The following TAF4B variants were observed in gnomAD, a reference collection of about 807,000 sequenced individuals.
The protein encoded by TAF4B is TATA-box binding protein associated factor 4b, also known as transcription initiation factor TFIID subunit 4B.
In TAF4B, 38 loss-of-function variants were observed where a neutral mutation model predicts 86.4. The ratio of observed to expected loss-of-function variants is 0.44; its 90% CI spans 0.34 to 0.58. The LOEUF is 0.58. TAF4B is among the 20% of genes least tolerant of loss of function. TAF4B has a pLI of 0.02. For synonymous variants in TAF4B, 388 were observed against 391.2 expected, an observed-to-expected ratio of 0.99 and a Z score of 0.10; for missense variants, 988 against 1,027.6, an observed-to-expected ratio of 0.96 and a Z score of 0.53.
intron 11 of TAF4B, among the ~76,000 whole-genome samples, chr18:26,324,672 G>C (rs2144681830): frequency 6.6e-6 from 1 of 152,138 alleles, no homozygotes; most frequent in South Asian, 2.1e-4. Flanking sequence ...TCCTTAACCT[G>C]CTGTCTTGTA....
At chr18:26,383,609 G>A (rs1978304082) in intron 14 of TAF4B, among the ~76,000 whole-genome samples, 1 of 152,166 alleles carries the variant, frequency 6.6e-6, no homozygotes, top group East Asian at 1.9e-4. Context: ...AGATAAAGAT[G>A]GGGGTGATCA....
intron 9 of TAF4B, chr18:26,304,821 T>C (rs758204062): frequency 1.7e-5 from 17 of 985,264 alleles, no homozygotes; most frequent in Non-Finnish European, 4.8e-6. Context: ...GTGTAATTGC[T>C]CCTCAGTAAA....
At chr18:26,237,070 A>G (rs2055760296) in intron 1 of TAF4B, among the ~76,000 whole-genome samples, 1 of 152,188 alleles carries the variant, frequency 6.6e-6, no homozygotes. Flanking sequence ...TCTAGAACAC[A>G]GGTCAACAGA....
At chr18:26,282,568 A>G (rs1240337258) in intron 6 of TAF4B, among the ~76,000 whole-genome samples, 2 of 152,226 alleles carry the variant, frequency 1.3e-5, no homozygotes, top group East Asian at 3.8e-4. Flanking sequence ...TTGATGGTAA[A>G]GAGTCTTACC....
At chr18:26,299,994 C>T (rs1039789802) in intron 9 of TAF4B, among the ~76,000 whole-genome samples, 37 of 151,572 alleles carry the variant, frequency 2.4e-4, no homozygotes, top group African/African-American at 8.0e-4. Context: ...AGGCTTTTAT[C>T]AGTTTTGTTA....
chr18:26,293,071 A>G (rs1331877449), intron 8 of TAF4B, among the ~76,000 whole-genome samples: 1 of 152,228 alleles, frequency 6.6e-6, no homozygotes, highest in East Asian at 1.9e-4. Flanking sequence ...TACCCAAGTC[A>G]GGTAGACTGG....
chr18:26,344,334 A>T (rs2057158956), intron 13 of TAF4B, among the ~76,000 whole-genome samples: 2 of 151,858 alleles, frequency 1.3e-5, no homozygotes, highest in Non-Finnish European at 2.9e-5. Flanking sequence ...TAGATTTCTC[A>T]TTAGAAAGCA....
chr18:26,344,599 G>A lies in TAF4B; in HGVS notation c.2316+9368G>A, dbSNP rs8088448. Reference sequence around the variant, plus strand: ...AGTCAGATGACACCAAAGGGAAGCTGAACTTCAGGAATGAAGAAAGCACAA... The same window carrying A: ...AGTCAGATGACACCAAAGGGAAGCTAAACTTCAGGAATGAAGAAAGCACAA... On this transcript the variant is annotated intron_variant, in intron 13 of 14. Coordinates refer to ENST00000269142, the MANE Select transcript of TAF4B (RefSeq NM_005640.3). Among the ~76,000 whole-genome samples the A allele has an allele frequency of 9.6e-3, 1,460 of 152,312 alleles. 11 individuals are homozygous for A. Among genetic ancestry groups the A allele is most frequent in the African/African-American group, 0.033 (1,355 of 41,560 alleles).
At chr18:26,275,312 C>T (rs1435057290) in intron 5 of TAF4B, among the ~76,000 whole-genome samples, 5 of 152,034 alleles carry the variant, frequency 3.3e-5, no homozygotes, top group African/African-American at 9.7e-5. Flanking sequence ...TGCATCACCA[C>T]GCTCGGCTAA....
At chr18:26,357,342 G>A (rs3865407) in intron 13 of TAF4B, among the ~76,000 whole-genome samples, 16,871 of 152,118 alleles carry the variant, frequency 0.11, 964 homozygotes, top group African/African-American at 0.14. Flanking sequence ...AATCTGAAAT[G>A]GTTTACTATA....
intron 1 of TAF4B, among the ~76,000 whole-genome samples, chr18:26,236,363 C>CG (rs1408168791): frequency 5.3e-5 from 8 of 152,088 alleles, no homozygotes; most frequent in African/African-American, 1.9e-4. Flanking sequence ...GAGAAGGCCG[C>CG]GCTGGTGACC....
intron 1 of TAF4B, among the ~76,000 whole-genome samples, chr18:26,233,998 A>G (rs1406625809): frequency 3.9e-5 from 6 of 152,152 alleles, no homozygotes; most frequent in African/African-American, 1.4e-4. Context: ...TGTTCTCAAT[A>G]CCTATATGAA....
intron 5 of TAF4B, among the ~76,000 whole-genome samples, chr18:26,279,555 A>G (rs2056422048): frequency 6.6e-6 from 1 of 152,016 alleles, no homozygotes; most frequent in East Asian, 1.9e-4. Flanking sequence ...CAAAAAAAAA[A>G]AAAAAACAAC....
At chr18:26,262,838 A>G (rs970377469) in intron 1 of TAF4B, among the ~76,000 whole-genome samples, 3 of 152,078 alleles carry the variant, frequency 2.0e-5, no homozygotes, top group Non-Finnish European at 2.9e-5. Context: ...AGTTATGCCT[A>G]TTTTACTGGG....
intron 3 of TAF4B, among the ~76,000 whole-genome samples, chr18:26,268,565 C>T (rs998482582): frequency 2.0e-5 from 3 of 152,244 alleles, no homozygotes; most frequent in Middle Eastern, 3.4e-3. Flanking sequence ...AGGGTTGCTA[C>T]GGCTTGTCTA....
At position 26,357,658 on chromosome 18, in the gene TAF4B, A is replaced by G. The variant is rs1215752937; in HGVS notation, c.2317-32A>G. 2.0e-6 allele frequency: 3 copies of G among 1,489,674 alleles called. No individual in the cohort carries two copies. In the Admixed American group the frequency reaches 5.3e-5, roughly 26 times the overall value. 92.3% of individuals were successfully genotyped at this position (1,489,674 alleles called of 1,614,324 possible). A position where few individuals can be genotyped will look rare whatever the true frequency, so the allele number is the denominator to read the frequency against. On this transcript the variant is annotated intron_variant, in intron 13 of 14. Coordinates refer to ENST00000269142, the MANE Select transcript of TAF4B (RefSeq NM_005640.3). ...TTTCCCTCTGAGCATGAATGTGTAT[A>G]AACATTGATATTTTTTTCTTCCGTC...
At chr18:26,358,943 G>C (rs930193230) in intron 14 of TAF4B, among the ~76,000 whole-genome samples, 1 of 152,134 alleles carries the variant, frequency 6.6e-6, no homozygotes, top group Non-Finnish European at 1.5e-5. Context: ...ATAGATGAAA[G>C]ATTTAAAAAT....
At chr18:26,374,729 T>C (rs1360656145) in intron 14 of TAF4B, among the ~76,000 whole-genome samples, 2 of 152,198 alleles carry the variant, frequency 1.3e-5, no homozygotes, top group Non-Finnish European at 2.9e-5. Context: ...ATACCGAGTT[T>C]ACATGAAAAA....
intron 9 of TAF4B, among the ~76,000 whole-genome samples, chr18:26,306,088 C>T (rs1442526376): frequency 6.6e-6 from 1 of 152,196 alleles, no homozygotes; most frequent in Non-Finnish European, 1.5e-5. Context: ...GTTAGGGATC[C>T]GTGCTCCATG....
Sources: allele counts gnomAD v4.1 joint callset (sites outside exome capture counted in the v4.1 genomes callset), GRCh38; gene constraint gnomAD v4.1.1; transcripts MANE v1.5; gene names NCBI Gene and HGNC (gene_info 2026-07-23, HGNC 2026-07-21).